The following TMEM116 variants were observed in gnomAD, a reference collection of about 807,000 sequenced individuals.
TMEM116 encodes the protein transmembrane protein 116.
TMEM116 carries 38 observed loss-of-function variants against 44.3 expected under a neutral mutation model. The observed-to-expected ratio is 0.86, with a 90% CI of 0.66 to 1.12. The LOEUF is 1.12. Among genes scored for constraint, TMEM116 ranks in the 50% most tolerant of loss-of-function variants. The pLI is 0.00. For missense variants in TMEM116, 354 were observed against 401.7 expected (o/e 0.88, Z 1.01); for synonymous variants, 132 against 144.8 (o/e 0.91, Z 0.64).
chr12:112,008,975 CAAA>C (rs762535414), intron 1 of TMEM116, among the ~76,000 whole-genome samples: 2 of 67,760 alleles, frequency 3.0e-5, no homozygotes, highest in Non-Finnish European at 3.1e-5. Flanking sequence ...AACTCCATTT[CAAA>C]AAAAAAAAAA....
chr12:111,985,167 C>A (rs1336220685), intron 4 of TMEM116, among the ~76,000 whole-genome samples: 3 of 151,910 alleles, frequency 2.0e-5, no homozygotes, highest in African/African-American at 7.3e-5. Context: ...GAAGTCCTAG[C>A]TAGAGCAATT....
At chr12:112,005,890 A>G in intron 1 of TMEM116, 1 of 967,228 alleles carries the variant, frequency 1.0e-6, no homozygotes, top group Non-Finnish European at 1.2e-6. Context: ...TGAAAAATGC[A>G]GAACAGGAAA....
chr12:111,993,658 A>G, intron 3 of TMEM116: 2 of 591,306 alleles, frequency 3.4e-6, no homozygotes, highest in South Asian at 3.1e-5. Flanking sequence ...GATGAGACAG[A>G]TAGCATATGC....
chr12:111,969,624 C>T (rs997704054), intron 4 of TMEM116, among the ~76,000 whole-genome samples: 3 of 151,992 alleles, frequency 2.0e-5, no homozygotes, highest in Admixed American at 6.6e-5. Flanking sequence ...TTCGCCCAGG[C>T]GGGACTGCAA....
rs146712505 is a variant in TMEM116, at chr12:111,953,036, G to C, written c.211-9667C>G. ...ATCATATTACTATGAACTTTACTTT[G>C]TATTTTTTTAACTTTGTACCTATTA... On this transcript the variant is annotated intron_variant, in intron 4 of 10. Coordinates refer to ENST00000552374, the MANE Select transcript of TMEM116 (RefSeq NM_001193531.2). Among the ~76,000 whole-genome samples, 3 of 152,056 alleles carry C rather than the reference G, an allele frequency of 2.0e-5. No individual in the cohort carries two copies. The East Asian group carries it at 5.8e-4, about 29-fold the overall frequency.
chr12:111,950,323 A>G (rs958523925), intron 4 of TMEM116, among the ~76,000 whole-genome samples: 1 of 152,100 alleles, frequency 6.6e-6, no homozygotes, highest in Non-Finnish European at 1.5e-5. Flanking sequence ...CCCCAGAAAC[A>G]ATGGAATAAG....
chr12:111,983,409 TCCA>T (rs2076057175), intron 4 of TMEM116, among the ~76,000 whole-genome samples: 1 of 149,230 alleles, frequency 6.7e-6, no homozygotes, highest in Non-Finnish European at 1.5e-5. Context: ...GCCACTGCAC[TCCA>T]GCCTGGGCAA....
intron 4 of TMEM116, among the ~76,000 whole-genome samples, chr12:111,986,658 A>T (rs2076245298): frequency 6.6e-6 from 1 of 151,786 alleles, no homozygotes; most frequent in African/African-American, 2.4e-5. Context: ...AAAATACAAA[A>T]ATTATCCAGG....
At chr12:111,980,205 T>A (rs1426093652) in intron 4 of TMEM116, among the ~76,000 whole-genome samples, 1 of 152,132 alleles carries the variant, frequency 6.6e-6, no homozygotes, top group Non-Finnish European at 1.5e-5. Flanking sequence ...GAAAGAATTT[T>A]AAAAAACTGT....
chr12:111,970,326 A>G (rs1444612595), intron 4 of TMEM116, among the ~76,000 whole-genome samples: 1 of 152,004 alleles, frequency 6.6e-6, no homozygotes, highest in Non-Finnish European at 1.5e-5. Flanking sequence ...CAAAATGGAA[A>G]ACATGGGGGA....
At chr12:111,972,295 A>T (rs2075389998) in intron 4 of TMEM116, among the ~76,000 whole-genome samples, 1 of 152,166 alleles carries the variant, frequency 6.6e-6, no homozygotes. Flanking sequence ...AGGTCATAAA[A>T]ATACTAACTG....
chr12:111,991,834 A>T lies in TMEM116; in HGVS notation c.134T>A (p.Leu45His). The T allele has an allele frequency of 6.5e-7, 1 of 1,536,202 alleles. No homozygotes were observed. The highest frequency in any genetic ancestry group is 8.7e-7 in the Non-Finnish European group (1 of 1,146,748). The change falls in exon 4 of 11, where the codon CTC becomes CAC. Residue 45 changes from leucine to histidine, a missense_variant. Leu to His is a moderately conservative substitution (Grantham distance 99). Coordinates refer to ENST00000552374, the MANE Select transcript of TMEM116 (RefSeq NM_001193531.2). ...AGCTCCATAGAGAAGTGTCTCCGTG[A>T]GCCAGCAAAGTCCCAGGAGCAGGTC... ...FCDLLLGLCW[L>H]TETLLYGASV...
intron 3 of TMEM116, among the ~76,000 whole-genome samples, chr12:111,999,140 A>T (rs971723842): frequency 6.6e-6 from 1 of 151,968 alleles, no homozygotes; most frequent in Non-Finnish European, 1.5e-5. Context: ...AATAAAGAAA[A>T]CCCAAAAAAG....
At chr12:111,953,034 T>C (rs754025359) in intron 4 of TMEM116, among the ~76,000 whole-genome samples, 3 of 152,200 alleles carry the variant, frequency 2.0e-5, no homozygotes, top group Non-Finnish European at 4.4e-5. Context: ...GAACTTTACT[T>C]TGTATTTTTT....
chr12:111,974,274 G>C (rs541548097), intron 4 of TMEM116, among the ~76,000 whole-genome samples: 14 of 152,210 alleles, frequency 9.2e-5, no homozygotes, highest in Admixed American at 2.6e-4. Context: ...TCAGGAAAAA[G>C]ACAGGACTGT....
At chr12:111,972,455 C>G (rs1282983443) in intron 4 of TMEM116, among the ~76,000 whole-genome samples, 3 of 152,190 alleles carry the variant, frequency 2.0e-5, no homozygotes, top group Non-Finnish European at 4.4e-5. Flanking sequence ...ATTTAGTAAA[C>G]TTAAACAATA....
At chr12:111,938,115 A>G in intron 6 of TMEM116, 46 bp downstream of exon 6, 1 of 1,366,568 alleles carries the variant, frequency 7.3e-7, no homozygotes, top group Non-Finnish European at 1.0e-6. Context: ...GAACACCAGA[A>G]TAATGAGAGT....
intron 3 of TMEM116, among the ~76,000 whole-genome samples, chr12:111,996,789 A>G (rs2076950649): frequency 6.6e-6 from 1 of 152,258 alleles, no homozygotes; most frequent in South Asian, 2.1e-4. Flanking sequence ...TTATAGCAGC[A>G]TAAGCAGGTA....
Position 111,940,777 on chromosome 12 carries a change from C to T in TMEM116, c.315+2488G>A, listed in dbSNP as rs1041728050. On this transcript the variant is annotated intron_variant, in intron 5 of 10. Transcript: ENST00000552374. ...AGCTTAAGCCTCAGAAAATTATTGC[C>T]CCATGTTTTCTCCATTCTTGGCTTC... 2.0e-5 allele frequency among the ~76,000 whole-genome samples: 3 copies of T among 151,774 alleles called. No homozygotes were observed. In the East Asian group the frequency reaches 5.8e-4, roughly 30 times the overall value.
Sources: allele counts gnomAD v4.1 joint callset (sites outside exome capture counted in the v4.1 genomes callset), GRCh38; gene constraint gnomAD v4.1.1; transcripts MANE v1.5; gene names NCBI Gene and HGNC (gene_info 2026-07-23, HGNC 2026-07-21).